Variants in RPRD1A observed in about 807,000 individuals in gnomAD.
RPRD1A encodes the protein regulation of nuclear pre-mRNA domain-containing protein 1A.
A neutral mutation model predicts 37.8 loss-of-function variants in RPRD1A; 9 were observed. That is an observed-to-expected ratio of 0.24 (90% CI 0.14 to 0.42). RPRD1A has a LOEUF of 0.42. Among genes scored for constraint, RPRD1A ranks in the 10% least tolerant of loss-of-function variants. The pLI is 1.00. For missense variants in RPRD1A, 255 were observed against 371.0 expected, an observed-to-expected ratio of 0.69 and a Z score of 2.57; for synonymous variants, 138 against 139.7, an observed-to-expected ratio of 0.99 and a Z score of 0.08.
chr18:36,062,809 G>C (rs1051409704), intron 1 of RPRD1A, among the ~76,000 whole-genome samples: 1 of 152,176 alleles, frequency 6.6e-6, no homozygotes, highest in Non-Finnish European at 1.5e-5. Flanking sequence ...GGGGACAACA[G>C]CTAAATGGCA....
At position 36,021,950 on chromosome 18, in the gene RPRD1A, G is replaced by A. The variant is rs556747481; in HGVS notation, c.789+4950C>T. Among the ~76,000 whole-genome samples the A allele has an allele frequency of 3.2e-3, 493 of 152,244 alleles. 1 individual carries two copies. Among genetic ancestry groups the A allele is most frequent in the Non-Finnish European group, 5.3e-3 (358 of 68,008 alleles). Reference sequence around the variant, plus strand: ...CAGGAGGTTGAAGTTGCAGTGAGCCGTGATCAAGCCACTGCACTCAAGCCT... The same window carrying A: ...CAGGAGGTTGAAGTTGCAGTGAGCCATGATCAAGCCACTGCACTCAAGCCT... On this transcript the variant is annotated intron_variant, in intron 6 of 6. Transcript: ENST00000399022.
intron 1 of RPRD1A, among the ~76,000 whole-genome samples, chr18:36,047,240 G>GC (rs1913025701): frequency 6.9e-6 from 1 of 143,902 alleles, no homozygotes; most frequent in Non-Finnish European, 1.5e-5. Flanking sequence ...AATAAATAAA[G>GC]CAAGAGCCAT....
intron 1 of RPRD1A, among the ~76,000 whole-genome samples, chr18:36,034,214 T>C (rs962024403): frequency 2.6e-5 from 4 of 152,208 alleles, no homozygotes; most frequent in African/African-American, 9.6e-5. Context: ...ATTATTAAGC[T>C]ATTGTGAAAC....
intron 1 of RPRD1A, among the ~76,000 whole-genome samples, chr18:36,040,620 A>G (rs1296055518): frequency 6.6e-6 from 1 of 152,202 alleles, no homozygotes; most frequent in Non-Finnish European, 1.5e-5. Context: ...GTAACACTGA[A>G]CACTAAGAAT....
chr18:36,027,169 ATTTTC>A lies in RPRD1A; in HGVS notation c.613+10_613+14del. ...AACTCCCAAAAAAGTTCTGGATCAC[ATTTTC>A]TTTTCTTACCTGTTATTTTATCTAA... On this transcript the variant is annotated intron_variant, in intron 5 of 6. Transcript: ENST00000399022. 1.2e-6 allele frequency: 2 copies of A among 1,613,472 alleles called. No individual in the cohort carries two copies. Among genetic ancestry groups the A allele is most frequent in the African/African-American group, 2.7e-5 (2 of 74,948 alleles).
At chr18:35,995,065 TGAAAAG>T (rs1282579740) in intron 6 of RPRD1A, among the ~76,000 whole-genome samples, 9 of 152,086 alleles carry the variant, frequency 5.9e-5, no homozygotes, top group Admixed American at 3.9e-4. Flanking sequence ...TCACCAATGT[TGAAAAG>T]GATCATGAAA....
intron 1 of RPRD1A, among the ~76,000 whole-genome samples, chr18:36,048,789 G>C (rs547196421): frequency 6.6e-6 from 1 of 151,984 alleles, no homozygotes; most frequent in South Asian, 2.1e-4. Flanking sequence ...GTACAATAGG[G>C]CAAGAAAAGG....
intron 6 of RPRD1A, among the ~76,000 whole-genome samples, chr18:36,018,643 T>C (rs539537242): frequency 7.9e-4 from 121 of 152,216 alleles, no homozygotes; most frequent in Middle Eastern, 3.4e-3. Context: ...AGACAGAAAC[T>C]ACTCTAAGCA....
At chr18:36,036,991 T>G (rs1912233988) in intron 1 of RPRD1A, among the ~76,000 whole-genome samples, 1 of 152,236 alleles carries the variant, frequency 6.6e-6, no homozygotes, top group African/African-American at 2.4e-5. Flanking sequence ...CATTTATTAT[T>G]TTAATGTTTG....
intron 6 of RPRD1A, among the ~76,000 whole-genome samples, chr18:36,010,569 A>G (rs1910116319): frequency 6.6e-6 from 1 of 152,196 alleles, no homozygotes; most frequent in African/African-American, 2.4e-5. Context: ...GTAGGACATC[A>G]ATGTCTTTTG....
At chr18:36,002,254 C>T (rs1013761445) in intron 6 of RPRD1A, among the ~76,000 whole-genome samples, 3 of 152,110 alleles carry the variant, frequency 2.0e-5, no homozygotes, top group Non-Finnish European at 4.4e-5. Context: ...TATACCTTTC[C>T]AAATGGTACC....
chr18:36,031,761 T>C (rs1911809302), intron 2 of RPRD1A, among the ~76,000 whole-genome samples: 1 of 152,204 alleles, frequency 6.6e-6, no homozygotes, highest in Non-Finnish European at 1.5e-5. Flanking sequence ...TCTACTCTTT[T>C]ACTCTATTCT....
chr18:36,010,100 A>C (rs1910085020), intron 6 of RPRD1A, among the ~76,000 whole-genome samples: 1 of 152,200 alleles, frequency 6.6e-6, no homozygotes, highest in South Asian at 2.1e-4. Context: ...ATTTAATATA[A>C]GGACAGAATA....
intron 6 of RPRD1A, among the ~76,000 whole-genome samples, chr18:36,019,900 C>T (rs1038393411): frequency 1.3e-5 from 2 of 152,118 alleles, no homozygotes; most frequent in South Asian, 2.1e-4. Flanking sequence ...ATTAGACAGC[C>T]GTGATGGCGC....
At chr18:36,020,479 A>G (rs1335990484) in intron 6 of RPRD1A, among the ~76,000 whole-genome samples, 2 of 152,216 alleles carry the variant, frequency 1.3e-5, no homozygotes, top group East Asian at 3.8e-4. Context: ...GAAGGCAATA[A>G]GACTGGTTAA....
intron 1 of RPRD1A, among the ~76,000 whole-genome samples, chr18:36,059,726 T>C (rs973222564): frequency 1.3e-5 from 2 of 152,162 alleles, no homozygotes; most frequent in South Asian, 2.1e-4. Flanking sequence ...ATGGCACCCA[T>C]AGATGTAAAG....
At position 36,010,893 on chromosome 18, in the gene RPRD1A, A is replaced by G. The variant is rs1179898798; in HGVS notation, c.789+16007T>C. ...CAGAATCTCAAAAAACTGATTCAACATATTGTTTAAAACTTGGGAACCCAG... is the reference window on the plus strand; with the variant it reads ...CAGAATCTCAAAAAACTGATTCAACGTATTGTTTAAAACTTGGGAACCCAG... On this transcript the variant is annotated intron_variant, in intron 6 of 6. Coordinates refer to ENST00000399022, the MANE Select transcript of RPRD1A (RefSeq NM_018170.5). Among the ~76,000 whole-genome samples the G allele has an allele frequency of 3.9e-5, 6 of 152,358 alleles. No individual in the cohort carries two copies. The South Asian group carries it at 1.0e-3, about 26-fold the overall frequency.
chr18:36,063,036 C>T (rs1367973266), intron 1 of RPRD1A: 2 of 152,092 alleles, frequency 1.3e-5, no homozygotes, highest in African/African-American at 4.8e-5. Flanking sequence ...TTGGTCTTCA[C>T]AAAGGCCTTG....
At chr18:36,066,004 A>C (rs764375502) in intron 1 of RPRD1A, among the ~76,000 whole-genome samples, 4 of 152,240 alleles carry the variant, frequency 2.6e-5, no homozygotes, top group South Asian at 2.1e-4. Flanking sequence ...CGATTCTGAA[A>C]TCTAGTAAAA....
Sources: gnomAD v4.1 joint callset for allele counts (sites outside exome capture counted in the v4.1 genomes callset) on GRCh38, gnomAD v4.1.1 for gene constraint, MANE v1.5 for transcripts, NCBI Gene and HGNC (gene_info 2026-07-23, HGNC 2026-07-21) for gene names.